The following CCDC66 variants were observed in gnomAD, a reference collection of about 807,000 sequenced individuals.
CCDC66 encodes the protein coiled-coil domain containing 66, also known as coiled-coil domain-containing protein 66.
In CCDC66, 133 loss-of-function variants were observed where a neutral mutation model predicts 128.3. The ratio of observed to expected loss-of-function variants is 1.04; its 90% CI spans 0.90 to 1.20. The LOEUF (loss-of-function observed/expected upper bound fraction) is 1.20, where lower values mean the gene tolerates loss of function less well. CCDC66 is among the 50% of genes most tolerant of loss of function. CCDC66 has a pLI of 0.00. For synonymous variants in CCDC66, 387 were observed against 357.0 expected, an observed-to-expected ratio of 1.08 and a Z score of -0.95; for missense variants, 1,126 against 1,075.5, an observed-to-expected ratio of 1.05 and a Z score of -0.66.
intron 11 of CCDC66, among the ~76,000 whole-genome samples, chr3:56,614,043 A>G (rs923444571): frequency 6.6e-5 from 10 of 152,168 alleles, no homozygotes; most frequent in Non-Finnish European, 2.9e-5. Flanking sequence ...GTGAGCTACC[A>G]TGCTTGGCCT....
At chr3:56,560,787 TAA>T (rs2064997430) in intron 3 of CCDC66, 1 of 421,210 alleles carries the variant, frequency 2.4e-6, no homozygotes, top group Admixed American at 3.1e-5. Flanking sequence ...ATTTCTTTTT[TAA>T]TTTTTAGATT....
At chr3:56,588,633 C>T (rs2070277370) in intron 7 of CCDC66, among the ~76,000 whole-genome samples, 1 of 152,088 alleles carries the variant, frequency 6.6e-6, no homozygotes, top group Non-Finnish European at 1.5e-5. Context: ...CAGTCATCTC[C>T]CACCAGGCCC....
At chr3:56,564,783 T>C (rs1343403400) in intron 4 of CCDC66, among the ~76,000 whole-genome samples, 1 of 152,144 alleles carries the variant, frequency 6.6e-6, no homozygotes, top group Non-Finnish European at 1.5e-5. Context: ...GTGAAATAAA[T>C]AAAAAATTAA....
At chr3:56,566,288 CTAATTTTTG>C (rs1205795885) in intron 4 of CCDC66, among the ~76,000 whole-genome samples, 4 of 152,256 alleles carry the variant, frequency 2.6e-5, no homozygotes, top group Non-Finnish European at 4.4e-5. Context: ...CCACACCTAC[CTAATTTTTG>C]TAATTTTTGT....
At chr3:56,591,593 C>G (rs2070906123) in intron 7 of CCDC66, among the ~76,000 whole-genome samples, 1 of 152,198 alleles carries the variant, frequency 6.6e-6, no homozygotes, top group Non-Finnish European at 1.5e-5. Context: ...TTGGACAATG[C>G]TCGTTTTTCT....
intron 10 of CCDC66, among the ~76,000 whole-genome samples, chr3:56,606,392 A>G (rs1484384481): frequency 6.6e-6 from 1 of 152,050 alleles, no homozygotes; most frequent in Non-Finnish European, 1.5e-5. Context: ...CTTGAAATCC[A>G]GGCCCTGGTG....
Position 56,616,047 on chromosome 3 carries a change from C to T in CCDC66, c.1837C>T (p.Gln613Ter), listed in dbSNP as rs1406928851. ...GACTTCTAAGAAGGATACTGGTGTG[C>T]AAACAGGTATTTGTGTGGAAATTGT... ...STTSKKDTGV[Q>*]TDDLNIGIFT... Residue 613 changes from glutamine (Q) to a stop codon, truncating the protein, a stop_gained, in exon 13 of 18, where the codon CAA becomes TAA. Transcript: ENST00000394672. LOFTEE classifies it high-confidence loss of function. 3.2e-6 allele frequency: 5 copies of T among 1,583,646 alleles called. No homozygotes were observed. Among genetic ancestry groups the T allele is most frequent in the Non-Finnish European group, 4.3e-6 (5 of 1,167,600 alleles).
intron 7 of CCDC66, among the ~76,000 whole-genome samples, chr3:56,573,553 GGTCCCATGTACAAAAAATGTCAGC>G (rs2066920635): frequency 6.6e-6 from 1 of 152,168 alleles, no homozygotes; most frequent in South Asian, 2.1e-4. Context: ...CCCCTTCATG[GGTCCCATGTACAAAAAATGTCAGC>G]GTTAGCATGA....
Position 56,621,742 on chromosome 3 carries a change from CT to C in CCDC66, c.*126del. ...TATTTTTTTAAATGCTCATTAAAAA[CT>C]TGTATACTATGTAGTAAAATGCTGT... is the stretch of plus-strand genomic sequence containing the variant. On this transcript the variant is annotated 3_prime_UTR_variant, in exon 18 of 18. Transcript: ENST00000394672. The C allele has an allele frequency of 4.5e-6, 2 of 442,710 alleles. No individual in the cohort carries two copies. Among genetic ancestry groups the C allele is most frequent in the Non-Finnish European group, 8.0e-6 (2 of 250,226 alleles). The allele number at this position is 442,710 out of a possible 1,614,324, so 27.4% of individuals were successfully genotyped here.
chr3:56,563,393 GAAAAA>G (rs34569651), intron 3 of CCDC66: 4 of 194,042 alleles, frequency 2.1e-5, no homozygotes, highest in African/African-American at 7.4e-5. Context: ...TTTTTTAATT[GAAAAA>G]AAAAAAAAAG....
intron 7 of CCDC66, among the ~76,000 whole-genome samples, chr3:56,582,827 C>CT (rs888417053): frequency 3.5e-5 from 5 of 144,702 alleles, no homozygotes; most frequent in African/African-American, 1.3e-4. Context: ...ATATCTTTCC[C>CT]TTTTTTGACT....
chr3:56,578,189 G>T (rs932049235), intron 7 of CCDC66, among the ~76,000 whole-genome samples: 1 of 151,654 alleles, frequency 6.6e-6, no homozygotes, highest in Non-Finnish European at 1.5e-5. Context: ...TTGTGAATGG[G>T]AGTTTGCTCA....
intron 10 of CCDC66, among the ~76,000 whole-genome samples, chr3:56,602,351 G>T (rs1319132072): frequency 6.6e-6 from 1 of 152,050 alleles, no homozygotes; most frequent in Non-Finnish European, 1.5e-5. Context: ...GCTTTTTGAT[G>T]TGCTGCTGGA....
chr3:56,581,572 G>A (rs1184203471), intron 7 of CCDC66, among the ~76,000 whole-genome samples: 1 of 151,764 alleles, frequency 6.6e-6, no homozygotes, highest in Non-Finnish European at 1.5e-5. Flanking sequence ...TTTGATGATG[G>A]TGACGTACAG....
chr3:56,557,915 A>C (rs1373631956), intron 1 of CCDC66: 1 of 152,488 alleles, frequency 6.6e-6, no homozygotes, highest in East Asian at 1.9e-4. Context: ...TAAATAAGAT[A>C]GTGTGTCCCT....
chr3:56,561,302 A>G (rs748830881), intron 3 of CCDC66: 2 of 456,454 alleles, frequency 4.4e-6, no homozygotes, highest in South Asian at 1.6e-5. Context: ...TTTTATTGTC[A>G]TTTTAACCAA....
intron 10 of CCDC66, among the ~76,000 whole-genome samples, chr3:56,606,280 T>G (rs1279515875): frequency 2.6e-5 from 4 of 151,748 alleles, no homozygotes; most frequent in Non-Finnish European, 5.9e-5. Context: ...TCCAGGAGAG[T>G]GAACAGTTCT....
In CCDC66 at chr3:56,597,776, G is replaced by GTTTTTTT. The variant is rs753875788; in HGVS notation, c.1404+3748_1404+3749insTTTTTTT. On this transcript the variant is annotated intron_variant, in intron 10 of 17. Coordinates refer to ENST00000394672, the MANE Select transcript of CCDC66 (RefSeq NM_001141947.3). ...TTGTGGAGTCTAGGTTTTGTTTTGG[G>GTTTTTTT]GTTTTTTTTTTTTTTTGAGACAGAG... 1.9e-3 allele frequency among the ~76,000 whole-genome samples: 116 copies of GTTTTTTT among 61,842 alleles called. 13 individuals are homozygous for GTTTTTTT. The highest frequency in any genetic ancestry group is 2.2e-3 in the Admixed American group (8 of 3,616). The allele number at this position is 61,842 out of a possible 152,430, so 40.6% of individuals were successfully genotyped here.
intron 16 of CCDC66, 88 bp from the exon 17 acceptor site, chr3:56,619,687 TTA>T (rs2076093865): frequency 6.6e-7 from 1 of 1,514,482 alleles, no homozygotes; most frequent in Admixed American, 2.1e-5. Context: ...TACATACTTA[TTA>T]TAATGACTCC....
Sources: gnomAD v4.1 joint callset for allele counts (sites outside exome capture counted in the v4.1 genomes callset) on GRCh38, gnomAD v4.1.1 for gene constraint, MANE v1.5 for transcripts, NCBI Gene and HGNC (gene_info 2026-07-23, HGNC 2026-07-21) for gene names.